The following FOCAD variants were observed in gnomAD, a reference collection of about 807,000 sequenced individuals.
FOCAD encodes the protein focadhesin, also known as KIAA1797.
A neutral mutation model predicts 225.6 loss-of-function variants in FOCAD; 198 were observed. That is an observed-to-expected ratio of 0.88 (90% confidence interval 0.78 to 0.99). The LOEUF (loss-of-function observed/expected upper bound fraction) is 0.99, where lower values mean the gene tolerates loss of function less well. Among genes scored for constraint, FOCAD ranks in the 50% least tolerant of loss-of-function variants. The probability of loss-of-function intolerance (pLI) is 0.00; values close to 1 mark genes in which losing one functional copy is unlikely to be tolerated. For synonymous variants in FOCAD, 897 were observed against 755.0 expected (o/e 1.19, Z -3.08); for missense variants, 2,713 against 2,123.6 (o/e 1.28, Z -5.46).
intron 11 of FOCAD, 87 bp downstream of exon 11, chr9:20,789,695 A>T (rs989166568): frequency 7.3e-6 from 11 of 1,505,724 alleles, no homozygotes; most frequent in African/African-American, 1.4e-5. Flanking sequence ...GATTATTTGC[A>T]TCAGAGTTTT....
chr9:20,742,417 TC>T (rs1827706425), intron 5 of FOCAD, among the ~76,000 whole-genome samples: 1 of 150,956 alleles, frequency 6.6e-6, no homozygotes. Context: ...AAGATTCTTG[TC>T]TAACAGGCTC....
At position 20,990,601 on chromosome 9, in the gene FOCAD, TGA is replaced by T. The variant is rs544394305; in HGVS notation, c.5256+229_5256+230del. Among the ~76,000 whole-genome samples the T allele has an allele frequency of 2.5e-3, 386 of 151,854 alleles. 7 individuals are homozygous for T. The highest frequency in any genetic ancestry group is 9.0e-3 in the African/African-American group (371 of 41,368). On this transcript the variant is annotated intron_variant, in intron 42 of 43. Coordinates refer to ENST00000338382, the MANE Select transcript of FOCAD (RefSeq NM_001375567.1). ...GTGGCAGCTTGCTTACAGCTGGGAG[TGA>T]GGTGGAGGAAAAGTCCATACTTCAT...
At position 20,758,124 on chromosome 9, in the gene FOCAD, C is replaced by A; in HGVS notation, c.427C>A (p.His143Asn). The change falls in exon 6 of 44, where the codon CAC becomes AAC. Residue 143 changes from histidine (H) to asparagine (N), a missense_variant. Physicochemically the swap from His to Asn is moderately conservative, Grantham distance 68. Coordinates refer to ENST00000338382, the MANE Select transcript of FOCAD (RefSeq NM_001375567.1). ...HPHPLITVLEHRPDCWPVFLQ... is the reference protein window; with the variant it reads ...HPHPLITVLENRPDCWPVFLQ... ...TCATCCTTTGATAACTGTGCTTGAACACAGACCTGATTGCTGGCCAGTGTT... is the reference window on the plus strand; with the variant it reads ...TCATCCTTTGATAACTGTGCTTGAAAACAGACCTGATTGCTGGCCAGTGTT... The A allele has an allele frequency of 6.2e-7, 1 of 1,612,380 alleles. No individual in the cohort carries two copies.
chr9:20,666,236 G>C (rs1314190998), intron 2 of FOCAD, among the ~76,000 whole-genome samples: 1 of 152,092 alleles, frequency 6.6e-6, no homozygotes, highest in Non-Finnish European at 1.5e-5. Flanking sequence ...TCTATAAAGT[G>C]ATTATTTGGT....
intron 1 of FOCAD, among the ~76,000 whole-genome samples, chr9:20,702,063 A>G (rs1174882665): frequency 6.6e-6 from 1 of 152,096 alleles, no homozygotes; most frequent in East Asian, 1.9e-4. Context: ...GATTATCTTA[A>G]TTTAGCTTTA....
At chr9:20,687,263 T>A (rs1822723980) in intron 1 of FOCAD, among the ~76,000 whole-genome samples, 1 of 152,216 alleles carries the variant, frequency 6.6e-6, no homozygotes, top group African/African-American at 2.4e-5. Context: ...TTTATCTTTT[T>A]ACTTGCCCGG....
intron 21 of FOCAD, 103 bp downstream of exon 21, chr9:20,885,333 G>A: frequency 3.3e-6 from 4 of 1,221,212 alleles, no homozygotes; most frequent in South Asian, 6.6e-5. Context: ...CATAATTAAT[G>A]TAAGTTGCTT....
At chr9:20,906,150 A>G (rs1832959157) in intron 21 of FOCAD, among the ~76,000 whole-genome samples, 1 of 151,968 alleles carries the variant, frequency 6.6e-6, no homozygotes, top group Non-Finnish European at 1.5e-5. Context: ...ACTGGGATTA[A>G]AGAACATACT....
chr9:20,747,822 GTTT>G (rs34772075), intron 5 of FOCAD, among the ~76,000 whole-genome samples: 3 of 136,750 alleles, frequency 2.2e-5, no homozygotes, highest in African/African-American at 2.7e-5. Context: ...CATTTTTAGT[GTTT>G]TTTTTTTTTT....
intron 35 of FOCAD, among the ~76,000 whole-genome samples, chr9:20,967,765 A>G (rs182325153): frequency 6.6e-6 from 1 of 152,136 alleles, no homozygotes; most frequent in Admixed American, 6.5e-5. Context: ...TATTAATGTT[A>G]TATATTACCC....
intron 27 of FOCAD, among the ~76,000 whole-genome samples, chr9:20,931,543 A>G (rs1835471816): frequency 6.6e-6 from 1 of 152,192 alleles, no homozygotes; most frequent in Non-Finnish European, 1.5e-5. Context: ...TCTAAAAGCA[A>G]GTGTTTTGAG....
intron 40 of FOCAD, 125 bp from the exon 41 acceptor site, chr9:20,988,207 A>G (rs1841353913): frequency 1.9e-6 from 1 of 526,214 alleles, no homozygotes; most frequent in Non-Finnish European, 3.4e-6. Flanking sequence ...ATTGCAAGGG[A>G]ACATGAAACT....
At chr9:20,780,414 A>G (rs1819250034) in intron 9 of FOCAD, among the ~76,000 whole-genome samples, 2 of 152,192 alleles carry the variant, frequency 1.3e-5, no homozygotes, top group Non-Finnish European at 2.9e-5. Flanking sequence ...AAACAGTCAA[A>G]TACTTTTATT....
At chr9:20,791,436 T>C (rs948363060) in intron 11 of FOCAD, among the ~76,000 whole-genome samples, 1 of 152,112 alleles carries the variant, frequency 6.6e-6, no homozygotes, top group African/African-American at 2.4e-5. Flanking sequence ...CAAATCAGGG[T>C]AATTAATAGT....
rs116791345 is a variant in FOCAD at position 20,773,922 on chromosome 9, G to T, written c.906+3684G>T. Among the ~76,000 whole-genome samples, 241 of 152,254 alleles carry T rather than the reference G, an allele frequency of 1.6e-3. 1 individual carries two copies. Among genetic ancestry groups the T allele is most frequent in the African/African-American group, 5.4e-3 (224 of 41,550 alleles). On this transcript the variant is annotated intron_variant, in intron 8 of 43. Coordinates refer to ENST00000338382, the MANE Select transcript of FOCAD (RefSeq NM_001375567.1). Reference sequence around the variant, plus strand: ...ACAGACTGGTATTGGTTCCTTGCTTGTTAGGAACTGGGCCACACACAGGAG... The same window carrying T: ...ACAGACTGGTATTGGTTCCTTGCTTTTTAGGAACTGGGCCACACACAGGAG...
At chr9:20,931,220 C>G (rs1835436786) in intron 27 of FOCAD, among the ~76,000 whole-genome samples, 1 of 152,182 alleles carries the variant, frequency 6.6e-6, no homozygotes, top group South Asian at 2.1e-4. Context: ...TCCTGTCTGT[C>G]TGACTTGAAT....
At chr9:20,963,747 A>T (rs1196013570) in intron 35 of FOCAD, among the ~76,000 whole-genome samples, 4 of 152,212 alleles carry the variant, frequency 2.6e-5, no homozygotes, top group African/African-American at 9.7e-5. Context: ...GAAATCAAAG[A>T]CTGCAATCTG....
chr9:20,796,060 C>T (rs1392961675), intron 11 of FOCAD, among the ~76,000 whole-genome samples: 5 of 150,754 alleles, frequency 3.3e-5, no homozygotes, highest in Admixed American at 1.3e-4. Context: ...TGAGAACATG[C>T]GGTGTTTGGT....
intron 42 of FOCAD, among the ~76,000 whole-genome samples, chr9:20,991,049 GAGA>G (rs1841625983): frequency 1.3e-5 from 2 of 152,164 alleles, no homozygotes; most frequent in South Asian, 2.1e-4. Flanking sequence ...GGTGGGGCGG[GAGA>G]AGGAGTTGGG....
Sources: gnomAD v4.1 joint callset for allele counts (sites outside exome capture counted in the v4.1 genomes callset) on GRCh38, gnomAD v4.1.1 for gene constraint, MANE v1.5 for transcripts, NCBI Gene and HGNC (gene_info 2026-07-23, HGNC 2026-07-21) for gene names.